The following CTNNA2 variants were observed in gnomAD, a reference collection of about 807,000 sequenced individuals.
The protein encoded by CTNNA2 is catenin alpha-2.
Under a neutral mutation model 101.0 loss-of-function variants are expected in CTNNA2, and 42 were observed. The observed-to-expected ratio is 0.42, with a 90% CI of 0.32 to 0.54. CTNNA2 has a LOEUF of 0.54. Among genes scored for constraint, CTNNA2 ranks in the 20% least tolerant of loss-of-function variants. The probability of loss-of-function intolerance (pLI) is 0.14; values close to 1 mark genes in which losing one functional copy is unlikely to be tolerated. For synonymous variants in CTNNA2, 450 were observed against 456.4 expected, an observed-to-expected ratio of 0.99 and a Z score of 0.18; for missense variants, 871 against 1,223.1, an observed-to-expected ratio of 0.71 and a Z score of 4.29.
At position 80,631,281 on chromosome 2, in the gene CTNNA2, G is replaced by A. The variant is rs115582100; in HGVS notation, c.2574+12053G>A. ...CTTGGTTAAAAGTTGTCATCTTATT[G>A]GAAGTTAAAGGTAGTACTTTTTTTT... On this transcript the variant is annotated intron_variant, in intron 18 of 18. Transcript: ENST00000402739. Among the ~76,000 whole-genome samples the A allele has an allele frequency of 1.8e-3, 269 of 151,148 alleles. 1 individual carries two copies. Among genetic ancestry groups the A allele is most frequent in the African/African-American group, 6.4e-3 (264 of 41,162 alleles).
chr2:80,077,280 A>C (rs913760847), intron 7 of CTNNA2, among the ~76,000 whole-genome samples: 2 of 152,226 alleles, frequency 1.3e-5, no homozygotes, highest in Non-Finnish European at 2.9e-5. Flanking sequence ...CACTTTAAGA[A>C]AGTAAAATAA....
intron 1 of CTNNA2, among the ~76,000 whole-genome samples, chr2:79,579,999 G>A (rs1170367719): frequency 6.6e-6 from 1 of 152,128 alleles, no homozygotes; most frequent in Admixed American, 6.5e-5. Context: ...AATGGCAAAT[G>A]CTCTTCTCTT....
chr2:79,642,570 G>A (rs937748841), intron 1 of CTNNA2, among the ~76,000 whole-genome samples: 1 of 152,122 alleles, frequency 6.6e-6, no homozygotes, highest in African/African-American at 2.4e-5. Context: ...GTTAATGGAG[G>A]AAGATAAGAA....
intron 2 of CTNNA2, among the ~76,000 whole-genome samples, chr2:79,303,508 G>C (rs866778069): frequency 2.6e-5 from 4 of 152,020 alleles, no homozygotes; most frequent in Non-Finnish European, 5.9e-5. Flanking sequence ...CTTAATCCTG[G>C]TGGACAACCT....
At chr2:80,152,995 G>A (rs1703798794) in intron 7 of CTNNA2, among the ~76,000 whole-genome samples, 1 of 152,214 alleles carries the variant, frequency 6.6e-6, no homozygotes, top group Non-Finnish European at 1.5e-5. Context: ...TCTAAGTTGT[G>A]TTTGTAAAAT....
chr2:80,140,849 T>C (rs1702965704), intron 7 of CTNNA2, among the ~76,000 whole-genome samples: 1 of 151,744 alleles, frequency 6.6e-6, no homozygotes, highest in Non-Finnish European at 1.5e-5. Flanking sequence ...TGATTGCGAG[T>C]AGATTAAGGT....
intron 1 of CTNNA2, among the ~76,000 whole-genome samples, chr2:79,588,353 T>C (rs1212429005): frequency 6.6e-6 from 1 of 152,236 alleles, no homozygotes; most frequent in Non-Finnish European, 1.5e-5. Flanking sequence ...TTTATAATAT[T>C]ACTTCATACC....
chr2:79,209,246 T>C (rs1674139326), intron 2 of CTNNA2, among the ~76,000 whole-genome samples: 1 of 152,204 alleles, frequency 6.6e-6, no homozygotes, highest in Non-Finnish European at 1.5e-5. Context: ...AAAGTATACA[T>C]TGTATCTATT....
chr2:80,047,550 C>G (rs781732011), intron 7 of CTNNA2, among the ~76,000 whole-genome samples: 53 of 152,166 alleles, frequency 3.5e-4, no homozygotes, highest in Non-Finnish European at 6.8e-4. Context: ...CAAGCCTCCC[C>G]TCCTTGGATA....
chr2:80,452,737 A>G (rs921898010), intron 9 of CTNNA2, among the ~76,000 whole-genome samples: 1 of 151,550 alleles, frequency 6.6e-6, no homozygotes. Flanking sequence ...AAATATTCAA[A>G]CTATCAGCTT....
At chr2:79,517,294 G>T (rs1346053304) in intron 1 of CTNNA2, among the ~76,000 whole-genome samples, 1 of 152,234 alleles carries the variant, frequency 6.6e-6, no homozygotes, top group Non-Finnish European at 1.5e-5. Context: ...TTACCCACAA[G>T]TTTGAAGTAT....
intron 1 of CTNNA2, among the ~76,000 whole-genome samples, chr2:79,584,151 T>C (rs771635108): frequency 4.6e-5 from 7 of 152,150 alleles, no homozygotes. Flanking sequence ...TTTCATTGGG[T>C]GCTACAAAAT....
At chr2:79,621,370 A>T (rs1021673529) in intron 1 of CTNNA2, among the ~76,000 whole-genome samples, 2 of 152,180 alleles carry the variant, frequency 1.3e-5, no homozygotes, top group Non-Finnish European at 2.9e-5. Flanking sequence ...TTGAGCTAGC[A>T]ATACACATCA....
At chr2:79,480,990 G>T (rs970655921) in intron 4 of CTNNA2, among the ~76,000 whole-genome samples, 9 of 150,880 alleles carry the variant, frequency 6.0e-5, no homozygotes, top group Non-Finnish European at 1.3e-4. Flanking sequence ...CCTTAGTAGG[G>T]TTTTTTTTAA....
chr2:80,284,039 T>C (rs1674575997), intron 7 of CTNNA2, among the ~76,000 whole-genome samples: 1 of 152,140 alleles, frequency 6.6e-6, no homozygotes, highest in Non-Finnish European at 1.5e-5. Flanking sequence ...TTCATGGCAA[T>C]CCAAGTGGAA....
At chr2:80,012,448 C>T (rs1281476117) in intron 7 of CTNNA2, among the ~76,000 whole-genome samples, 3 of 152,144 alleles carry the variant, frequency 2.0e-5, no homozygotes, top group African/African-American at 2.4e-5. Flanking sequence ...CTGAGTCAGG[C>T]TGTCCAAAGG....
chr2:80,570,479 G>T (rs1438906479), intron 12 of CTNNA2, among the ~76,000 whole-genome samples: 1 of 152,194 alleles, frequency 6.6e-6, no homozygotes, highest in East Asian at 1.9e-4. Flanking sequence ...ACTGTGCTTA[G>T]GATTGGTCTC....
At chr2:80,126,498 C>A (rs1702115894) in intron 7 of CTNNA2, among the ~76,000 whole-genome samples, 2 of 151,830 alleles carry the variant, frequency 1.3e-5, no homozygotes, top group African/African-American at 4.8e-5. Context: ...TCCCTCTCCC[C>A]TAATCCCTCT....
chr2:79,885,295 T>C (rs1433184855), intron 6 of CTNNA2, among the ~76,000 whole-genome samples: 3 of 152,204 alleles, frequency 2.0e-5, no homozygotes, highest in African/African-American at 7.2e-5. Flanking sequence ...CTGTTGTGCC[T>C]CCATTTCAAA....
Sources: allele counts gnomAD v4.1 joint callset (sites outside exome capture counted in the v4.1 genomes callset), GRCh38; gene constraint gnomAD v4.1.1; transcripts MANE v1.5; gene names NCBI Gene and HGNC (gene_info 2026-07-23, HGNC 2026-07-21).